Variants in UGT1A3 observed in about 807,000 individuals in gnomAD.
The protein encoded by UGT1A3 is UDP-glucuronosyltransferase 1A3.
Under a neutral mutation model 41.0 loss-of-function variants are expected in UGT1A3, and 31 were observed. The ratio of observed to expected loss-of-function variants is 0.76; its 90% CI spans 0.57 to 1.02. The LOEUF is 1.02. Ranked by LOEUF, UGT1A3 falls within the 50% of genes least tolerant of loss-of-function variation. The pLI, the probability that UGT1A3 is intolerant of heterozygous loss-of-function variation, is 0.00. For synonymous variants in UGT1A3, 262 were observed against 257.6 expected (o/e 1.02, Z -0.17); for missense variants, 737 against 671.0 (o/e 1.10, Z -1.09).
intron 1 of UGT1A3, among the ~76,000 whole-genome samples, chr2:233,744,443 C>T (rs1003987688): frequency 1.2e-4 from 18 of 151,818 alleles, no homozygotes; most frequent in African/African-American, 3.9e-4. Flanking sequence ...ATACGTACTG[C>T]ATTAGAGATT....
intron 1 of UGT1A3, among the ~76,000 whole-genome samples, chr2:233,738,491 G>A (rs113157638): frequency 2.0e-5 from 3 of 152,180 alleles, no homozygotes; most frequent in Non-Finnish European, 4.4e-5. Context: ...CTTGTTGAAC[G>A]GTTTTGACCA....
Position 233,767,155 on chromosome 2 carries a change from T to C in UGT1A3, c.989T>C (p.Ile330Thr), listed in dbSNP as rs202035422. The change falls in exon 2 of 5, where the codon ATC (isoleucine) becomes ACC (threonine). Residue 330 changes from isoleucine (I) to threonine (T), a missense_variant. Ile to Thr is a moderately conservative substitution (Grantham distance 89). Transcript: ENST00000482026. The stretch of plus-strand genomic sequence containing the variant: ...GCAATTGCTGATGCTTTGGGCAAAA[T>C]CCCTCAGACAGTAAGAAGATTCTAT... ...AMAIADALGK[I>T]PQTVLWRYTG... 6.2e-7 allele frequency: 1 copy of C among 1,614,056 alleles called. No homozygotes were observed. Among genetic ancestry groups the C allele is most frequent in the Non-Finnish European group, 8.5e-7 (1 of 1,179,996 alleles).
At chr2:233,731,284 C>CTTTTTTTTTT (rs78127606) in intron 1 of UGT1A3, among the ~76,000 whole-genome samples, 4 of 139,758 alleles carry the variant, frequency 2.9e-5, no homozygotes, top group Non-Finnish European at 3.2e-5. Context: ...GTTTTTCTTT[C>CTTTTTTTTTT]TTTTTTTTTT....
Position 233,747,172 on chromosome 2 carries a change from C to A in UGT1A3, c.867+17179C>A. 9 of 1,596,738 alleles carry A rather than the reference C, an allele frequency of 5.6e-6. No homozygotes were observed. The South Asian group carries it at 1.0e-4, about 18-fold the overall frequency. On this transcript the variant is annotated intron_variant, in intron 1 of 4. Transcript: ENST00000482026. Reference sequence around the variant, plus strand: ...ATGAAGAAAACAAATGTAGGAGGCACAGCGTGGGGTGGACAGTCAGCTGTC... The same window carrying A: ...ATGAAGAAAACAAATGTAGGAGGCAAAGCGTGGGGTGGACAGTCAGCTGTC...
At chr2:233,747,712 T>C (rs566811001) in intron 1 of UGT1A3, 704 of 1,613,102 alleles carry the variant, frequency 4.4e-4, no homozygotes, top group Non-Finnish European at 5.2e-4. Flanking sequence ...TACCTATCAA[T>C]TCCTGCTGTG....
intron 1 of UGT1A3, among the ~76,000 whole-genome samples, chr2:233,749,521 C>T (rs1559394435): frequency 6.6e-6 from 1 of 151,908 alleles, no homozygotes; most frequent in East Asian, 1.9e-4. Flanking sequence ...ACTAGCAAGG[C>T]TAATTTTCGA....
At chr2:233,763,527 CT>C (rs1248792225) in intron 1 of UGT1A3, among the ~76,000 whole-genome samples, 2 of 152,146 alleles carry the variant, frequency 1.3e-5, no homozygotes, top group African/African-American at 4.8e-5. Context: ...TGCCATTCTC[CT>C]TTTTCCGGAT....
At chr2:233,742,694 A>G (rs1343342305) in intron 1 of UGT1A3, 1 of 152,520 alleles carries the variant, frequency 6.6e-6, no homozygotes, top group Admixed American at 6.5e-5. Context: ...CAGAGGGAAC[A>G]TGCTTCCACC....
At chr2:233,748,115 G>A in intron 1 of UGT1A3, 1 of 1,611,758 alleles carries the variant, frequency 6.2e-7, no homozygotes, top group Non-Finnish European at 8.5e-7. Context: ...CAATGTTCCA[G>A]GCAAAACAGT....
intron 1 of UGT1A3, among the ~76,000 whole-genome samples, chr2:233,730,402 A>G (rs1395963298): frequency 2.6e-5 from 4 of 152,200 alleles, no homozygotes; most frequent in Non-Finnish European, 1.5e-5. Flanking sequence ...AGTAAATTAC[A>G]ATTGTTGACA....
intron 1 of UGT1A3, chr2:233,755,145 G>A (rs1233085476): frequency 2.3e-6 from 3 of 1,302,660 alleles, no homozygotes; most frequent in South Asian, 1.2e-5. Flanking sequence ...TCTTCTCACC[G>A]CTTCCTCCCT....
Position 233,772,475 on chromosome 2 carries a change from C to T in UGT1A3, c.1521C>T (p.Thr507=), listed in dbSNP as rs190427553. ...TCGTGCTGACAGTGGCCTTCATCAC[C>T]TTTAAATGTTGTGCTTATGGCTACC... ...LAVVLTVAFI[T]FKCCAYGYRK... is the part of the protein sequence containing the mutation. The change falls in exon 5 of 5, where the codon ACC becomes ACT. Residue 507 remains threonine (T), a synonymous_variant. Transcript: ENST00000482026. 20 of 1,614,018 alleles carry T rather than the reference C, an allele frequency of 1.2e-5. No individual in the cohort carries two copies. The highest frequency in any genetic ancestry group is 5.3e-5 in the African/African-American group (4 of 74,894).
rs1413528689 is a variant in UGT1A3, at chr2:233,768,429, A to G, written c.1297A>G (p.Asn433Asp). Residue 433 changes from asparagine to aspartate, a missense_variant, in exon 4 of 5, where the codon AAT becomes GAT. By Grantham distance (23) the Asn-to-Asp change is conservative. Transcript: ENST00000482026. Reference protein sequence around the residue: ...DLENALKAVINDKSYKENIMR... With the variant: ...DLENALKAVIDDKSYKENIMR... ...AGAAAATGCTCTAAAAGCAGTCATC[A>G]ATGACAAAAGGTAAGAAAGAAGATA... is the stretch of plus-strand genomic sequence containing the variant. The G allele has an allele frequency of 6.8e-6, 11 of 1,614,042 alleles. No homozygotes were observed. The highest frequency in any genetic ancestry group is 9.3e-6 in the Non-Finnish European group (11 of 1,179,964).
intron 1 of UGT1A3, among the ~76,000 whole-genome samples, chr2:233,734,844 A>G (rs1575606786): frequency 6.6e-6 from 1 of 152,286 alleles, no homozygotes; most frequent in Middle Eastern, 3.4e-3. Flanking sequence ...TTCTTAATCC[A>G]GAGTTCTAAT....
chr2:233,767,017 T>G lies in UGT1A3; in HGVS notation c.868-17T>G, dbSNP rs779272297. On this transcript the variant is annotated splice_polypyrimidine_tract_variant and intron_variant, in intron 1 of 4. Transcript: ENST00000482026. Reference sequence around the variant, plus strand: ...ATATGAGAAAAAATTAACTGAAAATTTTTCTTCTGGCTCTAGGAATTTGAA... The same window carrying G: ...ATATGAGAAAAAATTAACTGAAAATGTTTCTTCTGGCTCTAGGAATTTGAA... The G allele has an allele frequency of 6.2e-7, 1 of 1,613,758 alleles. No individual in the cohort carries two copies. The highest frequency in any genetic ancestry group is 8.5e-7 in the Non-Finnish European group (1 of 1,179,982).
chr2:233,767,223 A>G (rs1699340574), intron 2 of UGT1A3, 58 bp downstream of exon 2: 3 of 1,610,856 alleles, frequency 1.9e-6, no homozygotes, highest in South Asian at 1.1e-5. Flanking sequence ...CTAATCCCAG[A>G]CTTCCAGCTT....
At chr2:233,761,149 C>A (rs1575779799) in intron 1 of UGT1A3, 1 of 1,614,176 alleles carries the variant, frequency 6.2e-7, no homozygotes. Context: ...TCCACTATCC[C>A]AGGTGTGTAT....
intron 1 of UGT1A3, chr2:233,755,161 C>A (rs1553619056): frequency 1.5e-6 from 2 of 1,292,236 alleles, no homozygotes; most frequent in East Asian, 4.6e-5. Context: ...TCCCTGTCCT[C>A]GGGGTTTTTG....
At chr2:233,751,615 T>C (rs531404071) in intron 1 of UGT1A3, among the ~76,000 whole-genome samples, 1 of 152,176 alleles carries the variant, frequency 6.6e-6, no homozygotes, top group Non-Finnish European at 1.5e-5. Flanking sequence ...TGGGAGGTGA[T>C]TGGATCATGT....
Sources: gnomAD v4.1 joint callset for allele counts (sites outside exome capture counted in the v4.1 genomes callset) on GRCh38, gnomAD v4.1.1 for gene constraint, MANE v1.5 for transcripts, NCBI Gene and HGNC (gene_info 2026-07-23, HGNC 2026-07-21) for gene names.